Variants in FAM107B observed in about 807,000 individuals in gnomAD.
FAM107B encodes family with sequence similarity 107 member B.
A neutral mutation model predicts 31.5 loss-of-function variants in FAM107B; 21 were observed. The observed-to-expected ratio is 0.67, with a 90% CI of 0.47 to 0.96. FAM107B has a LOEUF of 0.96. Ranked by LOEUF, FAM107B falls within the 40% of genes least tolerant of loss-of-function variation. The probability of loss-of-function intolerance (pLI) is 0.00; values close to 1 mark genes in which losing one functional copy is unlikely to be tolerated. For missense variants in FAM107B, 452 were observed against 377.1 expected (o/e 1.20, Z -1.64); for synonymous variants, 157 against 141.5 (o/e 1.11, Z -0.78).
chr10:14,636,315 G>A (rs892771086), intron 2 of FAM107B, among the ~76,000 whole-genome samples: 7 of 150,308 alleles, frequency 4.7e-5, no homozygotes, highest in Admixed American at 1.3e-4. Context: ...TCATGTGAGA[G>A]AGAGAGCAAG....
chr10:14,521,349 C>T (rs1845613823), intron 4 of FAM107B, 43 bp from the exon 5 acceptor site: 1 of 1,529,672 alleles, frequency 6.5e-7, no homozygotes, highest in East Asian at 2.3e-5. Flanking sequence ...ACAAACCAAG[C>T]AGCCTTTCAA....
intron 1 of FAM107B, among the ~76,000 whole-genome samples, chr10:14,766,223 A>G (rs2131595620): frequency 6.6e-6 from 1 of 152,364 alleles, no homozygotes; most frequent in Middle Eastern, 3.4e-3. Context: ...CTTCTAACTA[A>G]GGAACTGAAA....
chr10:14,730,231 G>T (rs796193720), intron 1 of FAM107B, among the ~76,000 whole-genome samples: 30 of 152,308 alleles, frequency 2.0e-4, no homozygotes, highest in African/African-American at 7.2e-4. Context: ...CTCTGAGGTG[G>T]TTTCATATCC....
chr10:14,519,940 C>A lies in FAM107B; in HGVS notation c.*1250G>T, dbSNP rs1177166501. ...TGCGGCTGCTGTCTGTAACTCGGCC[C>A]CCTCTCTGAGGAGCGTGCTGCTAGC... On this transcript the variant is annotated 3_prime_UTR_variant, in exon 5 of 5. Coordinates refer to ENST00000181796, the MANE Select transcript of FAM107B (RefSeq NM_031453.4). 1 of 152,596 alleles carries A rather than the reference C, an allele frequency of 6.6e-6. No homozygotes were observed. Among genetic ancestry groups the A allele is most frequent in the Non-Finnish European group, 1.5e-5 (1 of 68,024 alleles). 9.5% of individuals were successfully genotyped at this position (152,596 alleles called of 1,614,324 possible).
At chr10:14,749,138 G>A (rs911482513) in intron 1 of FAM107B, among the ~76,000 whole-genome samples, 1 of 152,212 alleles carries the variant, frequency 6.6e-6, no homozygotes, top group Non-Finnish European at 1.5e-5. Flanking sequence ...CGAGAGGCTG[G>A]AGCTTAGTGC....
At chr10:14,643,748 A>C (rs1202146035) in intron 2 of FAM107B, among the ~76,000 whole-genome samples, 1 of 152,116 alleles carries the variant, frequency 6.6e-6, no homozygotes, top group East Asian at 1.9e-4. Context: ...TCAAACATTA[A>C]TGTCATCCAG....
intron 1 of FAM107B, among the ~76,000 whole-genome samples, chr10:14,711,656 T>C (rs1446175221): frequency 6.6e-6 from 1 of 152,122 alleles, no homozygotes; most frequent in Admixed American, 6.5e-5. Context: ...TTAGTTTTTA[T>C]CTTTTGAGAC....
At chr10:14,550,041 T>G (rs1849111841) in intron 2 of FAM107B, among the ~76,000 whole-genome samples, 2 of 152,200 alleles carry the variant, frequency 1.3e-5, no homozygotes, top group South Asian at 4.1e-4. Flanking sequence ...ATATTCAACA[T>G]TTCAAAAATT....
At chr10:14,548,768 G>T in intron 2 of FAM107B, 1 of 435,094 alleles carries the variant, frequency 2.3e-6, no homozygotes, top group Non-Finnish European at 3.1e-6. Flanking sequence ...AGGGAAGAGG[G>T]GATGGCAACG....
intron 1 of FAM107B, among the ~76,000 whole-genome samples, chr10:14,771,599 TATCA>T (rs1833304387): frequency 1.3e-5 from 2 of 152,148 alleles, no homozygotes; most frequent in Admixed American, 1.3e-4. Context: ...AACTGTGATA[TATCA>T]ATTAAAATAA....
chr10:14,756,696 A>G (rs961135954), intron 1 of FAM107B, among the ~76,000 whole-genome samples: 2 of 152,270 alleles, frequency 1.3e-5, no homozygotes, highest in Non-Finnish European at 2.9e-5. Context: ...TTGTTCTACC[A>G]TAAAGGCATG....
At chr10:14,730,860 C>A (rs1365595514) in intron 1 of FAM107B, among the ~76,000 whole-genome samples, 1 of 152,036 alleles carries the variant, frequency 6.6e-6, no homozygotes, top group Non-Finnish European at 1.5e-5. Context: ...GGTCACCCAC[C>A]TAGACCACAC....
At chr10:14,631,913 G>A (rs1443889781) in intron 2 of FAM107B, among the ~76,000 whole-genome samples, 1 of 152,120 alleles carries the variant, frequency 6.6e-6, no homozygotes, top group Non-Finnish European at 1.5e-5. Context: ...GCTTTTATAA[G>A]GTAGGTTGCC....
intron 1 of FAM107B, among the ~76,000 whole-genome samples, chr10:14,697,640 T>C (rs1003639387): frequency 4.6e-5 from 7 of 152,252 alleles, no homozygotes; most frequent in African/African-American, 1.2e-4. Context: ...GCTATTTTAT[T>C]CCTCTGCAAA....
rs368339716 is a variant in FAM107B, at chr10:14,774,703, G to T, written c.-40C>A. ...CATTGCAAAGTTCAAACGGGGCAAG[G>T]AAATTTTCCAGGGGTCCACATCACC... is the stretch of plus-strand genomic sequence containing the variant. On this transcript the variant is annotated 5_prime_UTR_variant, in exon 1 of 5. Coordinates refer to ENST00000181796, the MANE Select transcript of FAM107B (RefSeq NM_031453.4). 24 of 1,580,180 alleles carry T rather than the reference G, an allele frequency of 1.5e-5. No individual in the cohort carries two copies. In the African/African-American group the frequency reaches 2.7e-4, roughly 18 times the overall value.
At chr10:14,545,204 G>T (rs761675901) in intron 2 of FAM107B, among the ~76,000 whole-genome samples, 48 of 152,108 alleles carry the variant, frequency 3.2e-4, no homozygotes, top group Non-Finnish European at 5.3e-4. Flanking sequence ...GCAGCATCAT[G>T]CAGCTAGCTC....
At chr10:14,639,723 C>A (rs899077064) in intron 2 of FAM107B, among the ~76,000 whole-genome samples, 1 of 152,140 alleles carries the variant, frequency 6.6e-6, no homozygotes, top group Non-Finnish European at 1.5e-5. Context: ...AGACTGCCCC[C>A]ATCTTGGAGC....
chr10:14,644,932 G>A (rs1853716168), intron 2 of FAM107B, among the ~76,000 whole-genome samples: 1 of 152,210 alleles, frequency 6.6e-6, no homozygotes, highest in African/African-American at 2.4e-5. Flanking sequence ...ATCTGGTCTA[G>A]TAGGTGCTCA....
chr10:14,670,417 A>C (rs971576603), intron 1 of FAM107B, among the ~76,000 whole-genome samples: 2 of 152,246 alleles, frequency 1.3e-5, no homozygotes, highest in Non-Finnish European at 2.9e-5. Flanking sequence ...TGTAAATAAC[A>C]GAAAAGCCCC....
Sources: gnomAD v4.1 joint callset for allele counts (sites outside exome capture counted in the v4.1 genomes callset) on GRCh38, gnomAD v4.1.1 for gene constraint, MANE v1.5 for transcripts, NCBI Gene and HGNC (gene_info 2026-07-23, HGNC 2026-07-21) for gene names.